Variants in FAM174B observed in about 807,000 individuals in gnomAD.
FAM174B encodes the protein family with sequence similarity 174 member B, also known as membrane protein FAM174B.
A neutral mutation model predicts 10.9 loss-of-function variants in FAM174B; 12 were observed. That is an observed-to-expected ratio of 1.10 (90% CI 0.71 to 1.79). The LOEUF (loss-of-function observed/expected upper bound fraction) is 1.79. FAM174B is among the 40% of genes most tolerant of loss of function. FAM174B has a pLI of 0.00. For synonymous variants in FAM174B, 132 were observed against 115.8 expected (o/e 1.14, Z -0.90); for missense variants, 266 against 233.3 (o/e 1.14, Z -0.91).
chr15:92,651,504 G>A (rs990814682), intron 1 of FAM174B, among the ~76,000 whole-genome samples: 7 of 152,134 alleles, frequency 4.6e-5, no homozygotes, highest in South Asian at 2.1e-4. Flanking sequence ...CTGCACATTC[G>A]TATATACATG....
At chr15:92,632,282 C>T (rs928929817) in intron 1 of FAM174B, among the ~76,000 whole-genome samples, 11 of 152,144 alleles carry the variant, frequency 7.2e-5, no homozygotes, top group African/African-American at 2.2e-4. Flanking sequence ...CGGTGGCTCA[C>T]GCCTGTAATC....
At chr15:92,643,115 A>C (rs2050902100) in intron 1 of FAM174B, among the ~76,000 whole-genome samples, 1 of 144,880 alleles carries the variant, frequency 6.9e-6, no homozygotes, top group Non-Finnish European at 1.5e-5. Flanking sequence ...ACTAAAAACC[A>C]TTGAGTTGGA....
chr15:92,636,785 C>A (rs1470707408), intron 1 of FAM174B, among the ~76,000 whole-genome samples: 1 of 152,144 alleles, frequency 6.6e-6, no homozygotes, highest in African/African-American at 2.4e-5. Flanking sequence ...TGCTCTGTCA[C>A]CCCCACTCAC....
chr15:92,619,303 C>T lies in FAM174B; in HGVS notation c.*153G>A, dbSNP rs780494916. ...TTGCCAGTGACAGTCTGAGCAGATG[C>T]CTGACACGCACGATGGAGCTGGGGT... On this transcript the variant is annotated 3_prime_UTR_variant, in exon 3 of 3. Transcript: ENST00000327355. 1 of 820,282 alleles carries T rather than the reference C, an allele frequency of 1.2e-6. No homozygotes were observed. Among genetic ancestry groups the T allele is most frequent in the South Asian group, 1.4e-5 (1 of 69,956 alleles). 50.8% of individuals were successfully genotyped at this position (820,282 alleles called of 1,614,324 possible). A position where few individuals can be genotyped will look rare whatever the true frequency, so the allele number is the denominator to read the frequency against.
chr15:92,646,771 T>C (rs1379154101), intron 1 of FAM174B, among the ~76,000 whole-genome samples: 1 of 152,230 alleles, frequency 6.6e-6, no homozygotes, highest in Non-Finnish European at 1.5e-5. Flanking sequence ...TTTTAGACAA[T>C]AACTTAACTC....
At chr15:92,641,690 A>T (rs911630702) in intron 1 of FAM174B, among the ~76,000 whole-genome samples, 7 of 152,214 alleles carry the variant, frequency 4.6e-5, no homozygotes, top group Non-Finnish European at 8.8e-5. Flanking sequence ...AGTATGTAAG[A>T]CTTATATGTA....
In FAM174B at chr15:92,617,602, C is replaced by T; in HGVS notation, c.*1854G>A. 1.6e-6 allele frequency: 1 copy of T among 641,282 alleles called. No individual in the cohort carries two copies. Among genetic ancestry groups the T allele is most frequent in the Middle Eastern group, 2.5e-4 (1 of 4,032 alleles). 39.7% of individuals were successfully genotyped at this position (641,282 alleles called of 1,614,324 possible). ...TGTTTCTGCGTAAGGCAGAGGAATC[C>T]AGCTTTTCCATGAGATTCAGCTGCA... On this transcript the variant is annotated 3_prime_UTR_variant, in exon 3 of 3. Coordinates refer to ENST00000327355, the MANE Select transcript of FAM174B (RefSeq NM_207446.3).
At chr15:92,641,867 T>G (rs28595521) in intron 1 of FAM174B, among the ~76,000 whole-genome samples, 2,762 of 152,154 alleles carry the variant, frequency 0.018, 89 homozygotes, top group African/African-American at 0.064. Context: ...ATCAAGAAAG[T>G]GAAAAGACAC....
intron 1 of FAM174B, chr15:92,634,480 GTA>G (rs761409047): frequency 6.6e-6 from 1 of 152,070 alleles, no homozygotes; most frequent in Non-Finnish European, 1.5e-5. Flanking sequence ...TATCATTCAC[GTA>G]TATAGAGTCT....
intron 2 of FAM174B, among the ~76,000 whole-genome samples, chr15:92,628,700 T>C (rs538872330): frequency 6.6e-6 from 1 of 152,318 alleles, no homozygotes; most frequent in South Asian, 2.1e-4. Context: ...TTCAGGTTCT[T>C]TATAAGATTT....
chr15:92,645,869 C>A (rs764989535), intron 1 of FAM174B, among the ~76,000 whole-genome samples: 44 of 152,244 alleles, frequency 2.9e-4, no homozygotes, highest in Middle Eastern at 3.4e-3. Flanking sequence ...GTCCTCACCA[C>A]CCACTCCTTC....
chr15:92,633,594 G>A (rs2050833621), intron 1 of FAM174B, among the ~76,000 whole-genome samples: 1 of 152,146 alleles, frequency 6.6e-6, no homozygotes, highest in Non-Finnish European at 1.5e-5. Context: ...AGGCATGGGT[G>A]TGAATCTACC....
chr15:92,643,695 C>T (rs912226935), intron 1 of FAM174B, among the ~76,000 whole-genome samples: 1 of 152,126 alleles, frequency 6.6e-6, no homozygotes, highest in African/African-American at 2.4e-5. Flanking sequence ...TGTGGCTTTG[C>T]CCGGCTATCC....
rs1336918528 is a variant in FAM174B, at chr15:92,617,691, G to C, written c.*1765C>G. On this transcript the variant is annotated 3_prime_UTR_variant, in exon 3 of 3. Transcript: ENST00000327355. Reference sequence around the variant, plus strand: ...AAAGGTTGAGGGGGCGAACAGCTGCGAGGTGGCCAGGCTCCCGTGAGTCAC... The same window carrying C: ...AAAGGTTGAGGGGGCGAACAGCTGCCAGGTGGCCAGGCTCCCGTGAGTCAC... 5.9e-6 allele frequency: 4 copies of C among 681,134 alleles called. No individual in the cohort carries two copies. The highest frequency in any genetic ancestry group is 1.1e-5 in the Non-Finnish European group (4 of 377,266). The allele number at this position is 681,134 out of a possible 1,614,324, so 42.2% of individuals were successfully genotyped here. A position where few individuals can be genotyped will look rare whatever the true frequency, so the allele number is the denominator to read the frequency against.
chr15:92,655,518 C>A lies in FAM174B; in HGVS notation c.142G>T (p.Gly48Cys). ...EPERESRPPP[G>C]PGPGNTTRFG... ...CGGGTGGTGTTCCCGGGCCCCGGGCCGGGCGGTGGCCGCGACTCGCGCTCG... is the reference window on the plus strand; with the variant it reads ...CGGGTGGTGTTCCCGGGCCCCGGGCAGGGCGGTGGCCGCGACTCGCGCTCG... Residue 48 changes from glycine to cysteine, a missense_variant, in exon 1 of 3, where the codon GGC becomes TGC. Coordinates refer to ENST00000327355, the MANE Select transcript of FAM174B (RefSeq NM_207446.3). The A allele has an allele frequency of 6.7e-7, 1 of 1,494,804 alleles. No homozygotes were observed. The highest frequency in any genetic ancestry group is 8.9e-7 in the Non-Finnish European group (1 of 1,122,572). The allele number at this position is 1,494,804 out of a possible 1,614,324, so 92.6% of individuals were successfully genotyped here. A position where few individuals can be genotyped will look rare whatever the true frequency, so the allele number is the denominator to read the frequency against.
intron 1 of FAM174B, among the ~76,000 whole-genome samples, chr15:92,649,728 G>A (rs563602889): frequency 1.1e-4 from 17 of 152,270 alleles, no homozygotes; most frequent in South Asian, 2.1e-4. Flanking sequence ...GACATTTGGG[G>A]CTCCCCATCC....
At chr15:92,627,730 T>G (rs1172690008) in intron 2 of FAM174B, among the ~76,000 whole-genome samples, 2 of 152,200 alleles carry the variant, frequency 1.3e-5, no homozygotes, top group African/African-American at 4.8e-5. Flanking sequence ...AACAGTACAT[T>G]GATCCACTCG....
chr15:92,652,318 G>C (rs1019870475), intron 1 of FAM174B, among the ~76,000 whole-genome samples: 1 of 152,162 alleles, frequency 6.6e-6, no homozygotes, highest in African/African-American at 2.4e-5. Context: ...ACAGCAACGA[G>C]GTCAAACAGC....
chr15:92,632,901 CCTCTAGCCTAAGACT>C (rs1482509030), intron 1 of FAM174B, among the ~76,000 whole-genome samples: 6 of 123,382 alleles, frequency 4.9e-5, no homozygotes, highest in Non-Finnish European at 1.2e-4. Context: ...GCCACTTCAG[CCTCTAGCCTAAGACT>C]CTCTGCACGA....
Sources: allele counts gnomAD v4.1 joint callset (sites outside exome capture counted in the v4.1 genomes callset), GRCh38; gene constraint gnomAD v4.1.1; transcripts MANE v1.5; gene names NCBI Gene and HGNC (gene_info 2026-07-23, HGNC 2026-07-21).